AMMECR1: variants seen among roughly 807,000 people sequenced by gnomAD.
AMMECR1 encodes the protein nuclear protein AMMECR1.
In AMMECR1, 3 loss-of-function variants were observed where a neutral mutation model predicts 22.5. The ratio of observed to expected loss-of-function variants is 0.13; its 90% CI spans 0.06 to 0.35. The LOEUF (loss-of-function observed/expected upper bound fraction) is 0.35, where lower values mean the gene tolerates loss of function less well. Ranked by LOEUF, AMMECR1 falls within the 10% of genes least tolerant of loss-of-function variation. AMMECR1 has a pLI of 1.00. For synonymous variants in AMMECR1, 130 were observed against 116.7 expected (o/e 1.11, Z -0.74); for missense variants, 235 against 278.7 (o/e 0.84, Z 1.12).
chrX:110,394,983 G>A (rs1340114259), intron 2 of AMMECR1, among the ~76,000 whole-genome samples: 3 of 112,804 alleles, frequency 2.7e-5, no homozygotes, highest in African/African-American at 9.7e-5. Context: ...AGCAGCTGGA[G>A]CTTTGGGATC....
chrX:110,285,028 G>A (rs1403895381), intron 1 of AMMECR1, among the ~76,000 whole-genome samples: 1 of 111,702 alleles, frequency 9.0e-6, no homozygotes, highest in Non-Finnish European at 1.9e-5. Context: ...CAACTCTGTT[G>A]TTCTCTATGG....
intron 1 of AMMECR1, among the ~76,000 whole-genome samples, chrX:110,299,954 T>A (rs1314788940): frequency 8.9e-6 from 1 of 112,305 alleles, no homozygotes; most frequent in East Asian, 2.8e-4. Context: ...TAGGTTGTTA[T>A]CTTGGCTACT....
chrX:110,435,114 AGG>A (rs2068828156), intron 1 of AMMECR1, among the ~76,000 whole-genome samples: 2 of 34,141 alleles, frequency 5.9e-5, no homozygotes, highest in Non-Finnish European at 1.0e-4. Flanking sequence ...AGGGGGGAGG[AGG>A]AAGGAGGGAG....
chrX:110,214,322 A>G (rs2067462455), intron 3 of AMMECR1, among the ~76,000 whole-genome samples: 1 of 111,987 alleles, frequency 8.9e-6, no homozygotes, highest in African/African-American at 3.2e-5. Flanking sequence ...ATAGAAATTA[A>G]TATTTAAGCC....
chrX:110,225,704 T>C (rs1041961024), intron 2 of AMMECR1, among the ~76,000 whole-genome samples: 3 of 112,103 alleles, frequency 2.7e-5, no homozygotes, highest in Non-Finnish European at 5.6e-5. Flanking sequence ...AAGTTTTGGA[T>C]TTTGGAGCAA....
chrX:110,322,446 T>A (rs1435221785), upstream of AMMECR1, among the ~76,000 whole-genome samples: 4 of 111,759 alleles, frequency 3.6e-5, no homozygotes, highest in African/African-American at 1.3e-4. Flanking sequence ...CTAGCTTCTG[T>A]ACATATATTG....
chrX:110,316,993 T>C (rs1171704275), intron 1 of AMMECR1, among the ~76,000 whole-genome samples: 1 of 111,117 alleles, frequency 9.0e-6, no homozygotes, highest in East Asian at 2.8e-4. Flanking sequence ...ATGGGTGTAT[T>C]TGGATAAAAA....
intron 2 of AMMECR1, among the ~76,000 whole-genome samples, chrX:110,350,538 A>G (rs979271420): frequency 8.9e-6 from 1 of 112,279 alleles, no homozygotes; most frequent in Non-Finnish European, 1.9e-5. Flanking sequence ...TTGATCTTAT[A>G]CATAGAAAAC....
At chrX:110,409,561 G>GCC (rs2068626958) in intron 2 of AMMECR1, among the ~76,000 whole-genome samples, 1 of 111,138 alleles carries the variant, frequency 9.0e-6, no homozygotes, top group Non-Finnish European at 1.9e-5. Context: ...ATCTGTCAAT[G>GCC]CCCTCCATGC....
At chrX:110,416,132 C>G (rs1462554633) in intron 2 of AMMECR1, among the ~76,000 whole-genome samples, 1 of 111,057 alleles carries the variant, frequency 9.0e-6, no homozygotes, top group Non-Finnish European at 1.9e-5. Context: ...TTAAAACTCT[C>G]AACAGCCTGT....
At chrX:110,429,324 A>G (rs2068777620) in intron 1 of AMMECR1, among the ~76,000 whole-genome samples, 1 of 111,002 alleles carries the variant, frequency 9.0e-6, no homozygotes. Context: ...ATACAACTCC[A>G]GTCACTGAGT....
intron 2 of AMMECR1, among the ~76,000 whole-genome samples, chrX:110,353,043 G>A (rs906337133): frequency 8.9e-6 from 1 of 112,018 alleles, no homozygotes; most frequent in African/African-American, 3.2e-5. Context: ...TTTAGTCTTG[G>A]TAGGTTGCAT....
chrX:110,338,695 A>T (rs2068150244), intron 2 of AMMECR1, among the ~76,000 whole-genome samples: 1 of 111,803 alleles, frequency 8.9e-6, no homozygotes, highest in African/African-American at 3.3e-5. Context: ...GGGGAGGTAA[A>T]TCCACTCAAT....
At chrX:110,420,983 A>G (rs2068713351) in intron 2 of AMMECR1, among the ~76,000 whole-genome samples, 1 of 111,610 alleles carries the variant, frequency 9.0e-6, no homozygotes, top group Admixed American at 9.5e-5. Context: ...TCATTGTTTT[A>G]TTACACCAGC....
intron 1 of AMMECR1, among the ~76,000 whole-genome samples, chrX:110,431,389 G>T (rs1382113348): frequency 9.2e-6 from 1 of 108,707 alleles, no homozygotes; most frequent in Admixed American, 9.9e-5. Context: ...GGAATACCAG[G>T]ATTCTGAAGC....
At chrX:110,319,934 T>C (rs2068072710), upstream of AMMECR1, among the ~76,000 whole-genome samples, 1 of 112,402 alleles carries the variant, frequency 8.9e-6, no homozygotes. Context: ...ACTTAGTTTT[T>C]ATGGAAAGAT....
At chrX:110,223,084 T>G (rs770095692) in intron 2 of AMMECR1, among the ~76,000 whole-genome samples, 1 of 111,692 alleles carries the variant, frequency 9.0e-6, no homozygotes, top group East Asian at 2.8e-4. Flanking sequence ...CACAAATTCC[T>G]CCCCTCTAAA....
chrX:110,434,360 G>T (rs1336004405), intron 1 of AMMECR1, among the ~76,000 whole-genome samples: 1 of 111,577 alleles, frequency 9.0e-6, no homozygotes, highest in Non-Finnish European at 1.9e-5. Flanking sequence ...CCTTACCAGG[G>T]TGTTGAAAGA....
intron 1 of AMMECR1, among the ~76,000 whole-genome samples, chrX:110,434,285 G>C (rs1452425059): frequency 9.0e-6 from 1 of 111,709 alleles, no homozygotes; most frequent in Non-Finnish European, 1.9e-5. Context: ...GTTTTGTTCT[G>C]TGAGCAAGAG....
Sources: gnomAD v4.1 joint callset for allele counts (sites outside exome capture counted in the v4.1 genomes callset) on GRCh38, gnomAD v4.1.1 for gene constraint, MANE v1.5 for transcripts, NCBI Gene and HGNC (gene_info 2026-07-23, HGNC 2026-07-21) for gene names.